Variants in LRP1B observed in about 807,000 individuals in gnomAD.
The protein encoded by LRP1B is low-density lipoprotein receptor-related protein 1B.
Under a neutral mutation model 556.6 loss-of-function variants are expected in LRP1B, and 217 were observed. That is an observed-to-expected ratio of 0.39 (90% CI 0.35 to 0.44). The LOEUF (loss-of-function observed/expected upper bound fraction) is 0.44. Among genes scored for constraint, LRP1B ranks in the 20% least tolerant of loss-of-function variants. The pLI is 1.00. For missense variants in LRP1B, 5,053 were observed against 5,620.8 expected (o/e 0.90, Z 3.23); for synonymous variants, 2,047 against 1,865.8 (o/e 1.10, Z -2.50).
At chr2:140,348,622 A>G (rs1293266661) in intron 77 of LRP1B, among the ~76,000 whole-genome samples, 1 of 152,152 alleles carries the variant, frequency 6.6e-6, no homozygotes, top group Non-Finnish European at 1.5e-5. Context: ...ACAAGTTATT[A>G]CTATCATTAA....
chr2:141,149,376 A>C (rs891314543), intron 7 of LRP1B, among the ~76,000 whole-genome samples: 1 of 152,094 alleles, frequency 6.6e-6, no homozygotes, highest in Non-Finnish European at 1.5e-5. Flanking sequence ...TATTACGTGA[A>C]TAGTTGTAAT....
At position 140,883,960 on chromosome 2, in the gene LRP1B, G is replaced by A. The variant is rs539461566; in HGVS notation, c.4026C>T (p.Val1342=). 1.7e-4 allele frequency: 279 copies of A among 1,613,342 alleles called. 3 individuals carry two copies. The South Asian group carries it at 2.8e-3, about 16-fold the overall frequency. ...AGTATATGTTTCCTGCTATCCAGTC[G>A]ACTGTCAGGCCTTCTGGAGTAGCCA... ...HGLATPEGLT[V]DWIAGNIYWI... Residue 1342 remains valine (V), a synonymous_variant, in exon 25 of 91, where the codon GTC becomes GTT. Transcript: ENST00000389484.
intron 35 of LRP1B, among the ~76,000 whole-genome samples, chr2:140,724,140 C>T (rs980361841): frequency 8.6e-5 from 13 of 152,012 alleles, no homozygotes; most frequent in South Asian, 2.1e-4. Context: ...CGGATTCTTT[C>T]GTAATAAGTT....
At chr2:141,939,505 C>T (rs1700731031) in intron 1 of LRP1B, among the ~76,000 whole-genome samples, 1 of 151,816 alleles carries the variant, frequency 6.6e-6, no homozygotes, top group Non-Finnish European at 1.5e-5. Context: ...GAGATAATTA[C>T]AAAATTTTCA....
At chr2:141,883,015 T>C (rs1163203663) in intron 1 of LRP1B, among the ~76,000 whole-genome samples, 3 of 152,268 alleles carry the variant, frequency 2.0e-5, no homozygotes, top group East Asian at 1.9e-4. Flanking sequence ...ATCTTCCTTA[T>C]GGTTAAATTA....
intron 7 of LRP1B, among the ~76,000 whole-genome samples, chr2:141,074,103 T>G (rs1358759220): frequency 6.6e-6 from 1 of 152,074 alleles, no homozygotes; most frequent in East Asian, 1.9e-4. Context: ...TCTCTCCAGT[T>G]TCACCTAGCA....
At chr2:140,864,992 C>A (rs1573818129) in intron 27 of LRP1B, among the ~76,000 whole-genome samples, 1 of 151,962 alleles carries the variant, frequency 6.6e-6, no homozygotes, top group East Asian at 1.9e-4. Flanking sequence ...TGAACCCAGG[C>A]CATGCCATTA....
At chr2:142,066,920 T>C (rs542530511) in intron 1 of LRP1B, among the ~76,000 whole-genome samples, 93 of 151,544 alleles carry the variant, frequency 6.1e-4, no homozygotes, top group African/African-American at 2.2e-3. Flanking sequence ...GGGTTTCACT[T>C]AGCTAAAATC....
At chr2:140,772,220 T>C (rs1461123930) in intron 33 of LRP1B, among the ~76,000 whole-genome samples, 1 of 151,840 alleles carries the variant, frequency 6.6e-6, no homozygotes, top group Non-Finnish European at 1.5e-5. Context: ...CAAGCTGATG[T>C]ATAACATTAA....
intron 1 of LRP1B, among the ~76,000 whole-genome samples, chr2:141,970,084 G>A (rs1281429080): frequency 6.6e-6 from 1 of 151,378 alleles, no homozygotes; most frequent in Non-Finnish European, 1.5e-5. Flanking sequence ...TCTTCTTTGA[G>A]GAAATTCTAT....
At chr2:141,262,273 C>T (rs569628820) in intron 3 of LRP1B, among the ~76,000 whole-genome samples, 53 of 135,260 alleles carry the variant, frequency 3.9e-4, no homozygotes, top group African/African-American at 8.1e-4. Context: ...GAGAGCGAGA[C>T]GGAGTGTGTG....
chr2:141,538,976 A>T (rs1258065072), intron 2 of LRP1B, among the ~76,000 whole-genome samples: 1 of 152,188 alleles, frequency 6.6e-6, no homozygotes, highest in Non-Finnish European at 1.5e-5. Context: ...CTCTGGAAAT[A>T]AGATTTCAGT....
rs139834121 is a variant in LRP1B, at chr2:140,912,426, T to C, written c.3320-4349A>G. Among the ~76,000 whole-genome samples the C allele has an allele frequency of 6.2e-3, 940 of 151,724 alleles. 11 individuals carry two copies. The highest frequency in any genetic ancestry group is 0.021 in the African/African-American group (886 of 41,522). On this transcript the variant is annotated intron_variant, in intron 21 of 90. Transcript: ENST00000389484. ...AGTAGTTATTAATAATAGTAAAACA[T>C]ATTATAGACATTATAACTATCCAAT...
chr2:141,353,153 C>T (rs562426604), intron 3 of LRP1B, among the ~76,000 whole-genome samples: 32 of 151,884 alleles, frequency 2.1e-4, no homozygotes, highest in Non-Finnish European at 7.4e-5. Context: ...CCCAACATCC[C>T]TTGTAATCAG....
intron 3 of LRP1B, among the ~76,000 whole-genome samples, chr2:141,270,493 CA>C: frequency 6.6e-6 from 1 of 152,138 alleles, no homozygotes; most frequent in East Asian, 1.9e-4. Context: ...ATGCCCATAG[CA>C]GTGTTATTCA....
Position 141,049,103 on chromosome 2 carries a change from G to C in LRP1B, c.1672C>G (p.Pro558Ala), listed in dbSNP as rs2105445879. Residue 558 changes from proline to alanine, a missense_variant, in exon 11 of 91, where the codon CCT (proline) becomes GCT (alanine). Pro to Ala is a conservative substitution (Grantham distance 27). Around this residue, in one of 5 missense-constraint regions of LRP1B, gnomAD observed 3,619 missense variants for 3,931.9 expected, o/e 0.92. Transcript: ENST00000389484. ...YMIPIENLVN[P>A]RALDFHAETN... ...TCTGCGTGAAAGTCTAAAGCACGAG[G>C]GTTTACCAGATTTTCTATGGGGATC... The C allele has an allele frequency of 6.2e-7, 1 of 1,613,442 alleles. No individual in the cohort carries two copies. Among genetic ancestry groups the C allele is most frequent in the Non-Finnish European group, 8.5e-7 (1 of 1,179,630 alleles).
intron 2 of LRP1B, among the ~76,000 whole-genome samples, chr2:141,525,010 CCTT>C (rs1295536133): frequency 6.6e-6 from 1 of 152,070 alleles, no homozygotes. Context: ...GCCTGAAACA[CCTT>C]CTTGCTTTTC....
intron 1 of LRP1B, among the ~76,000 whole-genome samples, chr2:142,068,892 T>G (rs552073857): frequency 1.3e-5 from 2 of 151,730 alleles, no homozygotes; most frequent in East Asian, 3.9e-4. Context: ...AAACTGTAAG[T>G]TTATGTGTAG....
chr2:140,839,887 T>C, intron 31 of LRP1B, 104 bp downstream of exon 31: 1 of 737,372 alleles, frequency 1.4e-6, no homozygotes, highest in Non-Finnish European at 2.2e-6. Flanking sequence ...TTACTTATTT[T>C]ACTAATCTTT....
Sources: gnomAD v4.1 joint callset for allele counts (sites outside exome capture counted in the v4.1 genomes callset) on GRCh38, gnomAD v4.1.1 for gene constraint, gnomAD v4.1.1 regional missense constraint, MANE v1.5 for transcripts, NCBI Gene and HGNC (gene_info 2026-07-23, HGNC 2026-07-21) for gene names.